EFEMP1: variants seen among roughly 807,000 people sequenced by gnomAD.
EFEMP1 encodes EGF-containing fibulin-like extracellular matrix protein 1.
Under a neutral mutation model 65.7 loss-of-function variants are expected in EFEMP1, and 18 were observed. That is an observed-to-expected ratio of 0.27 (90% CI 0.19 to 0.41). The LOEUF (loss-of-function observed/expected upper bound fraction) is 0.41, where lower values mean the gene tolerates loss of function less well. EFEMP1 is among the 10% of genes least tolerant of loss of function. EFEMP1 has a pLI of 1.00. For missense variants in EFEMP1, 469 were observed against 624.8 expected (o/e 0.75, Z 2.66); for synonymous variants, 237 against 219.7 (o/e 1.08, Z -0.70).
intron 5 of EFEMP1, among the ~76,000 whole-genome samples, chr2:55,890,120 T>TA (rs1445690979): frequency 6.6e-6 from 1 of 151,448 alleles, no homozygotes; most frequent in East Asian, 1.9e-4. Context: ...GAGATTAAAA[T>TA]AAAAAAGATG....
chr2:55,895,634 G>A (rs967600963), intron 5 of EFEMP1, among the ~76,000 whole-genome samples: 1 of 149,104 alleles, frequency 6.7e-6, no homozygotes, highest in Non-Finnish European at 1.5e-5. Flanking sequence ...CTCCGCCCCC[G>A]GGGTTCACGC....
Position 55,877,414 on chromosome 2 carries a change from T to A in EFEMP1, c.760+332A>T, listed in dbSNP as rs1236187230. Among the ~76,000 whole-genome samples the A allele has an allele frequency of 6.6e-6, 1 of 152,206 alleles. No individual in the cohort carries two copies. The highest frequency in any genetic ancestry group is 1.5e-5 in the Non-Finnish European group (1 of 68,022). ...TCAGATGCACTTTCAGTGGAAAGTT[T>A]ATATACTTGAACTTGTAGTAACCCC... On this transcript the variant is annotated intron_variant, in intron 7 of 11. Coordinates refer to ENST00000355426, the MANE Select transcript of EFEMP1 (RefSeq NM_001039348.3). This position sits in a 1 kb window ranked among gnomAD's most constrained non-coding sequence, Gnocchi z 4.5.
intron 5 of EFEMP1, among the ~76,000 whole-genome samples, chr2:55,882,421 C>T (rs1338072593): frequency 6.6e-6 from 1 of 152,120 alleles, no homozygotes; most frequent in Non-Finnish European, 1.5e-5. Context: ...AAGCAGTGTA[C>T]TTCTTGGAAT....
rs1669100121 is a variant in EFEMP1 at position 55,877,974 on chromosome 2, A to G, written c.641-109T>C. ...GAGAAAATCTCTTTTTAAAAGTAAT[A>G]ATTTCCTATTTTGTTAAAATTAGGG... On this transcript the variant is annotated intron_variant, in intron 6 of 11. Coordinates refer to ENST00000355426, the MANE Select transcript of EFEMP1 (RefSeq NM_001039348.3). This position sits in a 1 kb window ranked among gnomAD's most constrained non-coding sequence, Gnocchi z 4.5. 2 of 1,370,638 alleles carry G rather than the reference A, an allele frequency of 1.5e-6. No individual in the cohort carries two copies. The highest frequency in any genetic ancestry group is 4.1e-5 in the Admixed American group (2 of 48,854). 84.9% of individuals were successfully genotyped at this position (1,370,638 alleles called of 1,614,324 possible). A position where few individuals can be genotyped will look rare whatever the true frequency, so the allele number is the denominator to read the frequency against.
chr2:55,913,849 A>C (rs1235281689), intron 5 of EFEMP1, among the ~76,000 whole-genome samples: 3 of 152,040 alleles, frequency 2.0e-5, no homozygotes, highest in Non-Finnish European at 4.4e-5. Context: ...ATCTCTACTA[A>C]AAATACAAAA....
At chr2:55,869,896 G>C (rs1362325153) in intron 11 of EFEMP1, among the ~76,000 whole-genome samples, 1 of 152,050 alleles carries the variant, frequency 6.6e-6, no homozygotes, top group Non-Finnish European at 1.5e-5. Context: ...GATTTTGTAG[G>C]GAGACTGGAA....
chr2:55,871,267 G>C lies in EFEMP1; in HGVS notation c.1001-144C>G, dbSNP rs1668798872. On this transcript the variant is annotated intron_variant, in intron 9 of 11. Transcript: ENST00000355426. This position sits in a 1 kb window ranked among gnomAD's most constrained non-coding sequence, Gnocchi z 4.2. ...TCAACCTGCTTTTAGACACAAGACT[G>C]GGTGTTCATTGTATTGAATTCAGGA... 2.7e-6 allele frequency: 3 copies of C among 1,108,760 alleles called. No homozygotes were observed. Among genetic ancestry groups the C allele is most frequent in the South Asian group, 1.3e-5 (1 of 75,414 alleles). 68.7% of individuals were successfully genotyped at this position (1,108,760 alleles called of 1,614,324 possible). A position where few individuals can be genotyped will look rare whatever the true frequency, so the allele number is the denominator to read the frequency against.
intron 5 of EFEMP1, among the ~76,000 whole-genome samples, chr2:55,914,158 A>G (rs1260782060): frequency 2.0e-5 from 3 of 152,224 alleles, no homozygotes; most frequent in Non-Finnish European, 4.4e-5. Flanking sequence ...TCTAATGGAA[A>G]CAATTAATTT....
intron 5 of EFEMP1, among the ~76,000 whole-genome samples, chr2:55,887,955 C>G (rs925740160): frequency 2.0e-5 from 3 of 152,130 alleles, no homozygotes; most frequent in African/African-American, 7.2e-5. Context: ...TGCAAATGGA[C>G]CCCCCTCACG....
intron 5 of EFEMP1, among the ~76,000 whole-genome samples, chr2:55,916,466 C>T (rs1291505428): frequency 1.3e-5 from 2 of 152,144 alleles, no homozygotes; most frequent in Non-Finnish European, 2.9e-5. Context: ...GAAGATAAAA[C>T]TAAACACGGG....
At position 55,889,641 on chromosome 2, in the gene EFEMP1, T is replaced by C. The variant is rs1322573009; in HGVS notation, c.518-7907A>G. ...GTAAAGTATTTTGGGATTTATAAAA[T>C]ATTTAGAATTAAAATACATGAGAAT... On this transcript the variant is annotated intron_variant, in intron 5 of 11. Coordinates refer to ENST00000355426, the MANE Select transcript of EFEMP1 (RefSeq NM_001039348.3). Among the ~76,000 whole-genome samples the C allele has an allele frequency of 2.0e-5, 3 of 152,268 alleles. No individual in the cohort carries two copies. In the East Asian group the frequency reaches 5.8e-4, roughly 29 times the overall value.
Position 55,922,891 on chromosome 2 carries a change from A to T in EFEMP1, c.-8+8T>A, listed in dbSNP as rs1384389137. 3 of 1,119,540 alleles carry T rather than the reference A, an allele frequency of 2.7e-6. No individual in the cohort carries two copies. The highest frequency in any genetic ancestry group is 6.4e-5 in the East Asian group (1 of 15,548). 69.4% of individuals were successfully genotyped at this position (1,119,540 alleles called of 1,614,324 possible). On this transcript the variant is annotated splice_region_variant and intron_variant, in intron 2 of 11. Coordinates refer to ENST00000355426, the MANE Select transcript of EFEMP1 (RefSeq NM_001039348.3). The surrounding 1 kb of genome is among the most constrained non-coding windows in gnomAD (Gnocchi z 5.5). ...TCTAGAACGTTAAGGCTTTCCCAGT[A>T]TACTCACCTTGAGCTAGCAGAGTTC...
intron 3 of EFEMP1, among the ~76,000 whole-genome samples, chr2:55,918,898 G>A (rs1482059920): frequency 1.3e-5 from 2 of 152,178 alleles, no homozygotes; most frequent in Non-Finnish European, 2.9e-5. Context: ...CAAAGATGAT[G>A]CAGACTTTGT....
At chr2:55,909,682 G>A (rs1005278042) in intron 5 of EFEMP1, among the ~76,000 whole-genome samples, 5 of 152,106 alleles carry the variant, frequency 3.3e-5, no homozygotes, top group African/African-American at 4.8e-5. Flanking sequence ...CTGAGAACAC[G>A]TTTTCTTTTT....
At chr2:55,894,555 T>C (rs1669746092) in intron 5 of EFEMP1, among the ~76,000 whole-genome samples, 1 of 152,244 alleles carries the variant, frequency 6.6e-6, no homozygotes, top group Non-Finnish European at 1.5e-5. Flanking sequence ...CACTTGTATT[T>C]AATGAAACAT....
In EFEMP1 at chr2:55,870,308, C is replaced by A. The variant is rs1427959973; in HGVS notation, c.1320+412G>T. Among the ~76,000 whole-genome samples, 1 of 135,094 alleles carries A rather than the reference C, an allele frequency of 7.4e-6. No individual in the cohort carries two copies. Among genetic ancestry groups the A allele is most frequent in the Admixed American group, 9.1e-5 (1 of 11,000 alleles). The allele number at this position is 135,094 out of a possible 152,430, so 88.6% of individuals were successfully genotyped here. ...TTTTGGGTTTGAATTATATGTATGTCTATGTATAATTAATTAACCATCAAT... is the reference window on the plus strand; with the variant it reads ...TTTTGGGTTTGAATTATATGTATGTATATGTATAATTAATTAACCATCAAT... On this transcript the variant is annotated intron_variant, in intron 11 of 11. Transcript: ENST00000355426. The surrounding 1 kb of genome is among the most constrained non-coding windows in gnomAD (Gnocchi z 5.8).
At position 55,922,528 on chromosome 2, in the gene EFEMP1, A is replaced by T; in HGVS notation, c.-7-81T>A. ...AAAACTTTAGCAGTGAGCACAAGCG[A>T]GGAAAGGAGGGTGGGAGAGGCTGAG... On this transcript the variant is annotated intron_variant, in intron 2 of 11. Coordinates refer to ENST00000355426, the MANE Select transcript of EFEMP1 (RefSeq NM_001039348.3). This position sits in a 1 kb window ranked among gnomAD's most constrained non-coding sequence, Gnocchi z 5.5. 1 of 1,289,812 alleles carries T rather than the reference A, an allele frequency of 7.8e-7. No individual in the cohort carries two copies. Among genetic ancestry groups the T allele is most frequent in the South Asian group, 1.2e-5 (1 of 84,010 alleles). 79.9% of individuals were successfully genotyped at this position (1,289,812 alleles called of 1,614,324 possible). A position where few individuals can be genotyped will look rare whatever the true frequency, so the allele number is the denominator to read the frequency against.
intron 5 of EFEMP1, among the ~76,000 whole-genome samples, chr2:55,901,342 A>C (rs1408656661): frequency 6.6e-6 from 1 of 152,218 alleles, no homozygotes; most frequent in Non-Finnish European, 1.5e-5. Flanking sequence ...TATGAAAATT[A>C]CTTGTTGAGT....
chr2:55,906,248 G>A, intron 5 of EFEMP1, among the ~76,000 whole-genome samples: 1 of 141,196 alleles, frequency 7.1e-6, no homozygotes, highest in Non-Finnish European at 1.5e-5. Flanking sequence ...TTTTTTAGAC[G>A]GAGTCTCGTT....
Sources: gnomAD v4.1 joint callset for allele counts (sites outside exome capture counted in the v4.1 genomes callset) on GRCh38, gnomAD v4.1.1 for gene constraint, Gnocchi (gnomAD v3.1) non-coding constraint, MANE v1.5 for transcripts, NCBI Gene and HGNC (gene_info 2026-07-23, HGNC 2026-07-21) for gene names.